DLG2: variants seen among roughly 807,000 people sequenced by gnomAD.
DLG2 encodes the protein disks large homolog 2.
A neutral mutation model predicts 132.5 loss-of-function variants in DLG2; 45 were observed. The ratio of observed to expected loss-of-function variants is 0.34; its 90% CI spans 0.27 to 0.44. DLG2 has a LOEUF of 0.44. Ranked by LOEUF, DLG2 falls within the 20% of genes least tolerant of loss-of-function variation. The pLI, the probability that DLG2 is intolerant of heterozygous loss-of-function variation, is 1.00. For synonymous variants in DLG2, 424 were observed against 419.6 expected (o/e 1.01, Z -0.13); for missense variants, 1,045 against 1,196.9 (o/e 0.87, Z 1.87).
intron 6 of DLG2, among the ~76,000 whole-genome samples, chr11:84,782,650 A>G (rs1490608277): frequency 1.3e-5 from 2 of 152,034 alleles, no homozygotes; most frequent in South Asian, 2.1e-4. Flanking sequence ...GAATAAATCA[A>G]CTCTTCTCTC....
chr11:85,294,348 T>TAA (rs56364347), intron 3 of DLG2, among the ~76,000 whole-genome samples: 14 of 145,644 alleles, frequency 9.6e-5, no homozygotes, highest in East Asian at 2.0e-4. Context: ...GTAACATTTG[T>TAA]AAAAAAAAAA....
chr11:84,273,411 A>C, intron 7 of DLG2: 2 of 1,218,256 alleles, frequency 1.6e-6, no homozygotes, highest in Non-Finnish European at 2.1e-6. Flanking sequence ...AAAGTTAATC[A>C]GAACATTTCT....
chr11:83,970,468 C>T (rs1445067024), intron 12 of DLG2, among the ~76,000 whole-genome samples: 1 of 152,078 alleles, frequency 6.6e-6, no homozygotes, highest in African/African-American at 2.4e-5. Context: ...TATTTGGTGA[C>T]TGAAATATTG....
intron 3 of DLG2, among the ~76,000 whole-genome samples, chr11:85,508,809 C>G (rs966975572): frequency 1.6e-4 from 25 of 151,926 alleles, no homozygotes; most frequent in African/African-American, 5.8e-4. Flanking sequence ...TATTCCGAGA[C>G]AGTAAAATAG....
chr11:84,819,914 T>G (rs568770100), intron 6 of DLG2, among the ~76,000 whole-genome samples: 1 of 151,708 alleles, frequency 6.6e-6, no homozygotes, highest in South Asian at 2.1e-4. Flanking sequence ...TCTGGAGACC[T>G]GTCTGGGTAA....
chr11:84,262,499 A>T (rs1043077631), intron 7 of DLG2, among the ~76,000 whole-genome samples: 1 of 152,204 alleles, frequency 6.6e-6, no homozygotes, highest in Non-Finnish European at 1.5e-5. Context: ...TATATTAAAA[A>T]TGAATGCAAT....
At chr11:83,980,214 G>C (rs1188474892) in intron 12 of DLG2, among the ~76,000 whole-genome samples, 1 of 152,056 alleles carries the variant, frequency 6.6e-6, no homozygotes, top group Non-Finnish European at 1.5e-5. Flanking sequence ...TTTGTAAGAA[G>C]AGAAAGAGAG....
At chr11:84,294,081 A>T (rs1418283107) in intron 7 of DLG2, among the ~76,000 whole-genome samples, 3 of 152,176 alleles carry the variant, frequency 2.0e-5, no homozygotes, top group Non-Finnish European at 2.9e-5. Flanking sequence ...TCACCTTGTA[A>T]CACTGTAACA....
intron 3 of DLG2, among the ~76,000 whole-genome samples, chr11:85,373,303 C>T (rs2085137222): frequency 6.6e-6 from 1 of 152,074 alleles, no homozygotes; most frequent in Admixed American, 6.6e-5. Flanking sequence ...TTTGTCTGTT[C>T]TTGCATTCAG....
chr11:84,363,197 C>T (rs1211504819), intron 7 of DLG2, among the ~76,000 whole-genome samples: 2 of 151,964 alleles, frequency 1.3e-5, no homozygotes, highest in Non-Finnish European at 2.9e-5. Flanking sequence ...TTAATGATCG[C>T]CATTCTAACT....
At chr11:84,613,951 T>G (rs2099599810) in intron 6 of DLG2, among the ~76,000 whole-genome samples, 1 of 152,158 alleles carries the variant, frequency 6.6e-6, no homozygotes, top group Non-Finnish European at 1.5e-5. Context: ...ATTTGTAAAG[T>G]GGGACCTTGC....
intron 6 of DLG2, among the ~76,000 whole-genome samples, chr11:84,934,913 C>A (rs2048561446): frequency 6.6e-6 from 1 of 152,066 alleles, no homozygotes; most frequent in Admixed American, 6.6e-5. Flanking sequence ...CATCCATTCT[C>A]TGAGCTCCAG....
At chr11:84,413,380 G>A (rs919192307) in intron 7 of DLG2, among the ~76,000 whole-genome samples, 2 of 152,216 alleles carry the variant, frequency 1.3e-5, no homozygotes, top group Non-Finnish European at 2.9e-5. Flanking sequence ...CCCAAGGAAA[G>A]AGGAGGCATA....
intron 4 of DLG2, among the ~76,000 whole-genome samples, chr11:85,200,761 T>C (rs560292390): frequency 6.6e-6 from 1 of 152,128 alleles, no homozygotes; most frequent in Non-Finnish European, 1.5e-5. Flanking sequence ...GTTCTCCAGC[T>C]TCCTTCCCAC....
intron 3 of DLG2, among the ~76,000 whole-genome samples, chr11:85,385,878 A>T (rs2086281737): frequency 6.6e-6 from 1 of 152,178 alleles, no homozygotes; most frequent in African/African-American, 2.4e-5. Flanking sequence ...AGACACAATA[A>T]ACAATGCACC....
At chr11:83,845,606 T>A (rs1267026883) in intron 16 of DLG2, among the ~76,000 whole-genome samples, 1 of 152,202 alleles carries the variant, frequency 6.6e-6, no homozygotes, top group East Asian at 1.9e-4. Context: ...GCATTAAATA[T>A]ACAATATAGA....
chr11:84,929,332 A>T (rs1017995311), intron 6 of DLG2, among the ~76,000 whole-genome samples: 1 of 151,922 alleles, frequency 6.6e-6, no homozygotes, highest in Non-Finnish European at 1.5e-5. Flanking sequence ...TATGTTTCAT[A>T]TTCTACTTAC....
intron 12 of DLG2, among the ~76,000 whole-genome samples, chr11:83,978,186 A>C (rs1217264250): frequency 6.7e-6 from 1 of 149,738 alleles, no homozygotes; most frequent in Non-Finnish European, 1.5e-5. Flanking sequence ...TTTTTTTTTT[A>C]AATTTGGAAA....
chr11:85,232,519 T>G (rs549630833), intron 4 of DLG2, among the ~76,000 whole-genome samples: 2 of 151,940 alleles, frequency 1.3e-5, no homozygotes, highest in South Asian at 2.1e-4. Flanking sequence ...CAATGTTACC[T>G]CTTCGAAGCA....
Sources: gnomAD v4.1 joint callset for allele counts (sites outside exome capture counted in the v4.1 genomes callset) on GRCh38, gnomAD v4.1.1 for gene constraint, MANE v1.5 for transcripts, NCBI Gene and HGNC (gene_info 2026-07-23, HGNC 2026-07-21) for gene names.